Variants in NLRP5 observed in about 807,000 individuals in gnomAD.
NLRP5 encodes NACHT, LRR and PYD domains-containing protein 5.
Under a neutral mutation model 113.1 loss-of-function variants are expected in NLRP5, and 93 were observed. That is an observed-to-expected ratio of 0.82 (90% CI 0.70 to 0.98). The LOEUF is 0.98. Among genes scored for constraint, NLRP5 ranks in the 50% least tolerant of loss-of-function variants. The pLI is 0.00. For synonymous variants in NLRP5, 751 were observed against 600.7 expected, an observed-to-expected ratio of 1.25 and a Z score of -3.66; for missense variants, 1,808 against 1,514.3, an observed-to-expected ratio of 1.19 and a Z score of -3.22.
chr19:55,996,677 A>G (rs1981335617), upstream of NLRP5, among the ~76,000 whole-genome samples: 1 of 152,112 alleles, frequency 6.6e-6, no homozygotes, highest in Non-Finnish European at 1.5e-5. Context: ...ATCCTTGTTT[A>G]TGGCTGCATA....
chr19:56,035,160 G>A (rs546812138), intron 9 of NLRP5, among the ~76,000 whole-genome samples: 20 of 152,210 alleles, frequency 1.3e-4, no homozygotes, highest in Non-Finnish European at 2.2e-4. Flanking sequence ...GGCTGTCCTC[G>A]AACTCCTGAC....
the NLRP5 span, chr19:55,988,038 A>C: frequency 1.4e-5 from 10 of 691,728 alleles, no homozygotes; most frequent in Non-Finnish European, 2.3e-5. Context: ...AACCCAGTCA[A>C]CACCACAGAA....
chr19:56,029,392 A>T (rs1983006089), intron 7 of NLRP5, among the ~76,000 whole-genome samples: 1 of 151,870 alleles, frequency 6.6e-6, no homozygotes, highest in Non-Finnish European at 1.5e-5. Context: ...TCAGCCTCTC[A>T]AGTAGCTGGG....
At chr19:56,034,759 A>G (rs192449668) in intron 9 of NLRP5, among the ~76,000 whole-genome samples, 1,589 of 152,212 alleles carry the variant, frequency 0.01, 23 homozygotes, top group African/African-American at 0.034. Flanking sequence ...CTTTCTGTTG[A>G]TGATGGCCAT....
At position 56,027,771 on chromosome 19, in the gene NLRP5, G is replaced by C; in HGVS notation, c.1538G>C (p.Arg513Pro). 6.2e-7 allele frequency: 1 copy of C among 1,613,966 alleles called. No individual in the cohort carries two copies. Among genetic ancestry groups the C allele is most frequent in the Non-Finnish European group, 8.5e-7 (1 of 1,179,884 alleles). Residue 513 changes from arginine (R) to proline (P), a missense_variant, in exon 7 of 15, where the codon CGA becomes CCA. Arg to Pro is a moderately radical substitution (Grantham distance 103). Transcript: ENST00000390649. ...TTTGTGTTTCATCAGCTCACCCCTC[G>C]AGGCGTGGTCCGGCGCTGTCTCAAT...
chr19:56,046,088 G>T (rs1041148405), intron 11 of NLRP5, among the ~76,000 whole-genome samples: 1 of 152,152 alleles, frequency 6.6e-6, no homozygotes, highest in Non-Finnish European at 1.5e-5. Context: ...TTGGCTGTGG[G>T]TTTGTCATAG....
the NLRP5 span, among the ~76,000 whole-genome samples, chr19:55,987,289 T>C: frequency 6.6e-6 from 1 of 152,182 alleles, no homozygotes; most frequent in Non-Finnish European, 1.5e-5. Context: ...AGAATCGCTT[T>C]AACCCAGGAG....
At chr19:56,033,895 G>A (rs372291720) in intron 9 of NLRP5, among the ~76,000 whole-genome samples, 186 bp downstream of exon 9, 17 of 152,200 alleles carry the variant, frequency 1.1e-4, no homozygotes, top group South Asian at 2.1e-4. Flanking sequence ...TAGTGCATTC[G>A]GTTATAAATA....
intron 14 of NLRP5, among the ~76,000 whole-genome samples, chr19:56,059,387 G>A (rs1373183640): frequency 6.6e-6 from 1 of 152,180 alleles, no homozygotes; most frequent in Non-Finnish European, 1.5e-5. Context: ...TCATTTAGGA[G>A]CTCATATCCG....
At chr19:56,041,876 G>A (rs35447009) in intron 11 of NLRP5, among the ~76,000 whole-genome samples, 8 of 152,192 alleles carry the variant, frequency 5.3e-5, no homozygotes, top group East Asian at 1.9e-4. Flanking sequence ...TTGAACCTGC[G>A]AGGTGGAGGT....
upstream of NLRP5, among the ~76,000 whole-genome samples, chr19:55,998,729 T>C (rs189113816): frequency 2.6e-4 from 35 of 132,788 alleles, no homozygotes; most frequent in African/African-American, 5.1e-4. Flanking sequence ...TATATATATA[T>C]GTGTATATAT....
intron 10 of NLRP5, among the ~76,000 whole-genome samples, chr19:56,040,295 C>T (rs561405352): frequency 6.6e-6 from 1 of 152,172 alleles, no homozygotes; most frequent in Non-Finnish European, 1.5e-5. Flanking sequence ...GTGGCTCACG[C>T]CTGTAATCCC....
At chr19:55,987,907 T>A in the NLRP5 span, 1 of 1,611,818 alleles carries the variant, frequency 6.2e-7, no homozygotes, top group Non-Finnish European at 8.5e-7. Context: ...CCCAGATTAA[T>A]CCTTAGGCCG....
chr19:56,028,171 G>A lies in NLRP5; in HGVS notation c.1938G>A (p.Arg646=), dbSNP rs769365558. 12 of 1,614,018 alleles carry A rather than the reference G, an allele frequency of 7.4e-6. No homozygotes were observed. In the Middle Eastern group the frequency reaches 9.9e-4, roughly 133 times the overall value. ...TTGGCCTCGTGAGCGAAGACGTAAG[G>A]AGGCCACTGGAGGTCCTGCTGGGCT... The change falls in exon 7 of 15, where the codon AGG becomes AGA. Residue 646 remains arginine (R), a synonymous_variant. Coordinates refer to ENST00000390649, the MANE Select transcript of NLRP5 (RefSeq NM_153447.4).
chr19:56,026,830 C>A, intron 6 of NLRP5, 83 bp from the exon 7 acceptor site: 1 of 1,416,316 alleles, frequency 7.1e-7, no homozygotes, highest in Non-Finnish European at 9.5e-7. Flanking sequence ...CCCATCTTGA[C>A]CTCCCACAGT....
chr19:55,991,052 C>A, the NLRP5 span, among the ~76,000 whole-genome samples: 1 of 152,074 alleles, frequency 6.6e-6, no homozygotes, highest in Non-Finnish European at 1.5e-5. Flanking sequence ...TTACGTAATG[C>A]ATTCTTTGTC....
intron 11 of NLRP5, among the ~76,000 whole-genome samples, chr19:56,043,768 AG>A (rs1983614638): frequency 6.6e-6 from 1 of 151,096 alleles, no homozygotes; most frequent in South Asian, 2.1e-4. Flanking sequence ...TAGTAGAGAC[AG>A]GGTTTCACCA....
chr19:56,021,958 T>G (rs1351622747), intron 6 of NLRP5, among the ~76,000 whole-genome samples: 1 of 152,188 alleles, frequency 6.6e-6, no homozygotes, highest in Non-Finnish European at 1.5e-5. Context: ...GACTAACATT[T>G]TGAGCTCTGA....
Position 56,019,401 on chromosome 19 carries a change from G to A in NLRP5, c.622+3G>A, listed in dbSNP as rs1375977994. The A allele has an allele frequency of 6.8e-6, 11 of 1,613,516 alleles. No individual in the cohort carries two copies. The highest frequency in any genetic ancestry group is 1.3e-5 in the African/African-American group (1 of 74,922). On this transcript the variant is annotated splice_donor_region_variant and intron_variant, in intron 5 of 14. Coordinates refer to ENST00000390649, the MANE Select transcript of NLRP5 (RefSeq NM_153447.4). ...AGCAGCAGAGACAGAAGAACAAGGT[G>A]AGGAAAATAGATGTATTCCTTGGTT...
Sources: gnomAD v4.1 joint callset for allele counts (sites outside exome capture counted in the v4.1 genomes callset) on GRCh38, gnomAD v4.1.1 for gene constraint, MANE v1.5 for transcripts, NCBI Gene and HGNC (gene_info 2026-07-23, HGNC 2026-07-21) for gene names.